Variants in NELL1 observed in about 807,000 individuals in gnomAD.
NELL1 encodes the protein protein kinase C-binding protein NELL1.
Under a neutral mutation model 107.4 loss-of-function variants are expected in NELL1, and 76 were observed. The ratio of observed to expected loss-of-function variants is 0.71; its 90% confidence interval spans 0.59 to 0.86. The LOEUF (loss-of-function observed/expected upper bound fraction) is 0.86, where lower values mean the gene tolerates loss of function less well. Ranked by LOEUF, NELL1 falls within the 40% of genes least tolerant of loss-of-function variation. NELL1 has a pLI of 0.00. For synonymous variants in NELL1, 353 were observed against 341.2 expected, an observed-to-expected ratio of 1.03 and a Z score of -0.38; for missense variants, 1,024 against 1,005.5, an observed-to-expected ratio of 1.02 and a Z score of -0.25.
chr11:20,671,199 T>C (rs1351445662), intron 1 of NELL1: 1 of 152,292 alleles, frequency 6.6e-6, no homozygotes, highest in African/African-American at 2.4e-5. Context: ...AGTTGCTTCT[T>C]GAGTTCAGGC....
At chr11:21,030,622 A>ATTTTTTTTT (rs201033870) in intron 12 of NELL1, among the ~76,000 whole-genome samples, 161 of 119,974 alleles carry the variant, frequency 1.3e-3, no homozygotes, top group Non-Finnish European at 1.9e-3. Context: ...ATTTTCTTGT[A>ATTTTTTTTT]TTTTTTTTTT....
intron 4 of NELL1, among the ~76,000 whole-genome samples, chr11:20,874,136 C>A (rs985634367): frequency 6.6e-6 from 1 of 152,184 alleles, no homozygotes; most frequent in Non-Finnish European, 1.5e-5. Context: ...GGCACGATCA[C>A]GGCTCACTGC....
intron 2 of NELL1, among the ~76,000 whole-genome samples, chr11:20,688,700 A>C (rs758806659): frequency 5.3e-5 from 8 of 152,086 alleles, no homozygotes; most frequent in Non-Finnish European, 1.2e-4. Context: ...CAAACATACG[A>C]GTACATGTGT....
chr11:21,092,554 A>G (rs1372024265), intron 12 of NELL1, among the ~76,000 whole-genome samples: 2 of 152,166 alleles, frequency 1.3e-5, no homozygotes, highest in African/African-American at 2.4e-5. Flanking sequence ...GATGATGATA[A>G]TATATGCCCC....
chr11:20,787,094 A>T, intron 3 of NELL1, among the ~76,000 whole-genome samples: 1 of 151,900 alleles, frequency 6.6e-6, no homozygotes, highest in South Asian at 2.1e-4. Flanking sequence ...AAGTACGAAA[A>T]ATCTCAAACC....
intron 14 of NELL1, among the ~76,000 whole-genome samples, chr11:21,349,800 T>G (rs1850763562): frequency 6.6e-6 from 1 of 152,128 alleles, no homozygotes; most frequent in Non-Finnish European, 1.5e-5. Flanking sequence ...AACATAAGTC[T>G]GAGATCCTAG....
intron 12 of NELL1, among the ~76,000 whole-genome samples, chr11:21,044,983 A>C (rs1853322067): frequency 6.6e-6 from 1 of 152,170 alleles, no homozygotes; most frequent in Non-Finnish European, 1.5e-5. Flanking sequence ...AGAAAAGTAG[A>C]AAGTTGAGTT....
chr11:21,036,006 G>A (rs898687858), intron 12 of NELL1, among the ~76,000 whole-genome samples: 1 of 152,052 alleles, frequency 6.6e-6, no homozygotes, highest in African/African-American at 2.4e-5. Context: ...CAGCCCAAAA[G>A]CTTCTTAAGC....
chr11:21,153,644 T>A (rs1380777799), intron 13 of NELL1, among the ~76,000 whole-genome samples: 2 of 152,194 alleles, frequency 1.3e-5, no homozygotes. Context: ...TCTCTTTATT[T>A]ATCACACTTA....
At chr11:21,408,125 T>C (rs1852279398) in intron 15 of NELL1, among the ~76,000 whole-genome samples, 1 of 151,966 alleles carries the variant, frequency 6.6e-6, no homozygotes, top group Non-Finnish European at 1.5e-5. Flanking sequence ...GCTCTCTTTC[T>C]TGAGATCCCA....
chr11:21,569,076 A>C (rs1284613899), intron 17 of NELL1, among the ~76,000 whole-genome samples: 1 of 151,812 alleles, frequency 6.6e-6, no homozygotes, highest in Non-Finnish European at 1.5e-5. Flanking sequence ...TGCATGAGTA[A>C]TACAGTGCAT....
intron 17 of NELL1, among the ~76,000 whole-genome samples, chr11:21,566,414 CA>C (rs1265967034): frequency 5.3e-5 from 8 of 151,502 alleles, no homozygotes; most frequent in Non-Finnish European, 1.0e-4. Context: ...TAATTAATAG[CA>C]AAAAACCTAT....
At chr11:21,246,763 T>C (rs1165390777) in intron 14 of NELL1, among the ~76,000 whole-genome samples, 1 of 151,046 alleles carries the variant, frequency 6.6e-6, no homozygotes, top group East Asian at 2.0e-4. Context: ...GAAAAAGAGG[T>C]TTAATGGACT....
intron 9 of NELL1, among the ~76,000 whole-genome samples, chr11:20,934,631 T>C (rs1850685437): frequency 6.6e-6 from 1 of 152,244 alleles, no homozygotes; most frequent in Non-Finnish European, 1.5e-5. Context: ...TGTCTATTTC[T>C]TCGCTTCACA....
chr11:21,304,793 G>A lies in NELL1; in HGVS notation c.1550-66060G>A, dbSNP rs115163222. Among the ~76,000 whole-genome samples the A allele has an allele frequency of 7.3e-3, 1,113 of 151,946 alleles. 20 individuals carry two copies. Among genetic ancestry groups the A allele is most frequent in the African/African-American group, 0.026 (1,063 of 41,470 alleles). On this transcript the variant is annotated intron_variant, in intron 14 of 19. Transcript: ENST00000357134. ...TCTTCCATTTCCCCTGCAGTAGGGT[G>A]CAAATACCAGTGCCACCAAAATTTC...
chr11:21,175,324 GCTCT>G (rs914534009), intron 13 of NELL1, among the ~76,000 whole-genome samples: 1 of 151,454 alleles, frequency 6.6e-6, no homozygotes, highest in Non-Finnish European at 1.5e-5. Flanking sequence ...TTTCATGTTT[GCTCT>G]CTCTCTTTTT....
intron 15 of NELL1, among the ~76,000 whole-genome samples, chr11:21,399,244 G>T (rs973571444): frequency 6.6e-6 from 1 of 151,570 alleles, no homozygotes; most frequent in Non-Finnish European, 1.5e-5. Context: ...TGATGAGTAG[G>T]GAGGAAGCAA....
At chr11:20,722,547 C>A (rs1041227169) in intron 2 of NELL1, among the ~76,000 whole-genome samples, 1 of 152,110 alleles carries the variant, frequency 6.6e-6, no homozygotes, top group Non-Finnish European at 1.5e-5. Context: ...TGTGATAAAT[C>A]CTCAATAAAT....
intron 16 of NELL1, among the ~76,000 whole-genome samples, chr11:21,540,412 C>T (rs1222764894): frequency 6.6e-6 from 1 of 152,040 alleles, no homozygotes; most frequent in Non-Finnish European, 1.5e-5. Context: ...TTTTTTAGCT[C>T]CTACACATGA....
Sources: allele counts gnomAD v4.1 joint callset (sites outside exome capture counted in the v4.1 genomes callset), GRCh38; gene constraint gnomAD v4.1.1; transcripts MANE v1.5; gene names NCBI Gene and HGNC (gene_info 2026-07-23, HGNC 2026-07-21).